Variants in MAPKAPK5 observed in about 807,000 individuals in gnomAD.
MAPKAPK5 encodes the protein MAPK activated protein kinase 5.
A neutral mutation model predicts 65.1 loss-of-function variants in MAPKAPK5; 30 were observed. That is an observed-to-expected ratio of 0.46 (90% confidence interval 0.34 to 0.63). MAPKAPK5 has a LOEUF of 0.63. Ranked by LOEUF, MAPKAPK5 falls within the 20% of genes least tolerant of loss-of-function variation. The pLI is 0.01. For missense variants in MAPKAPK5, 433 were observed against 581.4 expected (o/e 0.74, Z 2.63); for synonymous variants, 179 against 204.6 (o/e 0.87, Z 1.07).
At chr12:111,843,879 C>A (rs1369288582) in intron 1 of MAPKAPK5, among the ~76,000 whole-genome samples, 1 of 152,212 alleles carries the variant, frequency 6.6e-6, no homozygotes, top group Non-Finnish European at 1.5e-5. Flanking sequence ...GTGGCCCGAT[C>A]TTGGCTCACT....
chr12:111,891,750 T>C (rs1293386635), intron 13 of MAPKAPK5, among the ~76,000 whole-genome samples: 1 of 148,434 alleles, frequency 6.7e-6, no homozygotes, highest in Non-Finnish European at 1.5e-5. Flanking sequence ...GAGGTTGCAG[T>C]GAGCTGAGAT....
chr12:111,842,797 C>T, intron 1 of MAPKAPK5, 28 bp downstream of exon 1: 1 of 1,310,890 alleles, frequency 7.6e-7, no homozygotes, highest in Non-Finnish European at 9.8e-7. Flanking sequence ...CCTCTTCCCC[C>T]GCGTTGTCCT....
intron 1 of MAPKAPK5, among the ~76,000 whole-genome samples, chr12:111,846,874 C>T (rs907517340): frequency 6.6e-6 from 1 of 152,098 alleles, no homozygotes; most frequent in Admixed American, 6.6e-5. Flanking sequence ...CATGAATCAT[C>T]CCAGCATGTT....
chr12:111,867,624 A>G lies in MAPKAPK5; in HGVS notation c.239A>G (p.Glu80Gly). 1 of 1,613,940 alleles carries G rather than the reference A, an allele frequency of 6.2e-7. No homozygotes were observed. The highest frequency in any genetic ancestry group is 8.5e-7 in the Non-Finnish European group (1 of 1,179,862). Residue 80 changes from glutamate to glycine, a missense_variant, in exon 4 of 14, where the codon GAA becomes GGA. By Grantham distance (98) the Glu-to-Gly change is moderately conservative (BLOSUM62 -2). Around this residue, in one of 3 missense-constraint regions of MAPKAPK5, gnomAD observed 165 missense variants for 180.0 expected, o/e 0.92. Transcript: ENST00000550735. ...CACCCAAACATAGTTCAGATTATTG[A>G]AGTGTTTGCTAACAGTGTCCAGTTT... is the stretch of plus-strand genomic sequence containing the variant. ...ATHPNIVQII[E>G]VFANSVQFPH...
chr12:111,877,003 TGTG>T (rs938397461), intron 7 of MAPKAPK5, among the ~76,000 whole-genome samples: 1 of 151,922 alleles, frequency 6.6e-6, no homozygotes, highest in African/African-American at 2.4e-5. Context: ...ATAATTTCAT[TGTG>T]GTTTTAATTT....
rs984819253 is a variant in MAPKAPK5, at chr12:111,899,571, AT to A, written c.*6511del. On this transcript the variant is annotated 3_prime_UTR_variant, in exon 14 of 14. Coordinates refer to ENST00000550735, the MANE Select transcript of MAPKAPK5 (RefSeq NM_003668.4). ...GGAAGGACTGTCCTACTTGTTACTT[AT>A]GCAAGGCCAGAAGCACCTGGTTCAT... 4.2e-6 allele frequency: 1 copy of A among 237,024 alleles called. No individual in the cohort carries two copies. The highest frequency in any genetic ancestry group is 2.2e-5 in the African/African-American group (1 of 44,688). 14.7% of individuals were successfully genotyped at this position (237,024 alleles called of 1,614,324 possible).
At chr12:111,861,556 G>C (rs2069436880) in intron 1 of MAPKAPK5, among the ~76,000 whole-genome samples, 1 of 152,084 alleles carries the variant, frequency 6.6e-6, no homozygotes, top group Non-Finnish European at 1.5e-5. Flanking sequence ...TCGAACTCCT[G>C]ACCTCATGAT....
At chr12:111,866,719 C>T (rs930690850) in intron 3 of MAPKAPK5, among the ~76,000 whole-genome samples, 6 of 152,254 alleles carry the variant, frequency 3.9e-5, no homozygotes, top group South Asian at 2.1e-4. Flanking sequence ...AAGTGATTCT[C>T]CTGCCTCAGC....
rs999397053 is a variant in MAPKAPK5, at chr12:111,899,045, A to G, written c.*5984A>G. 32 of 152,228 alleles carry G rather than the reference A, an allele frequency of 2.1e-4. No homozygotes were observed. The highest frequency in any genetic ancestry group is 7.5e-4 in the African/African-American group (31 of 41,444). The allele number at this position is 152,228 out of a possible 1,614,324, so 9.4% of individuals were successfully genotyped here. ...GGAAGATTAAAGTTGTTGCTGTTGG[A>G]AGGAAGACATACTAAAGAAACTGCC... On this transcript the variant is annotated 3_prime_UTR_variant, in exon 14 of 14. Coordinates refer to ENST00000550735, the MANE Select transcript of MAPKAPK5 (RefSeq NM_003668.4).
In MAPKAPK5 at chr12:111,894,132, T is replaced by G. The variant is rs1429634201; in HGVS notation, c.*1071T>G. ...ATCTCGGCTCACTGCAACCTCTGTC[T>G]CCCAGGTTCAAGTGATTCTCCTGCC... On this transcript the variant is annotated 3_prime_UTR_variant, in exon 14 of 14. Transcript: ENST00000550735. 6.6e-6 allele frequency: 1 copy of G among 152,632 alleles called. No individual in the cohort carries two copies. Among genetic ancestry groups the G allele is most frequent in the Non-Finnish European group, 1.5e-5 (1 of 68,514 alleles). 9.5% of individuals were successfully genotyped at this position (152,632 alleles called of 1,614,324 possible).
chr12:111,875,708 C>G (rs952099213), intron 7 of MAPKAPK5, among the ~76,000 whole-genome samples: 1 of 152,092 alleles, frequency 6.6e-6, no homozygotes, highest in Non-Finnish European at 1.5e-5. Context: ...AGGGTCTGTA[C>G]TCTTATCCTA....
rs760866994 is a variant in MAPKAPK5, at chr12:111,883,786, T to G, written c.848+18T>G. 2 of 1,609,346 alleles carry G rather than the reference T, an allele frequency of 1.2e-6. No homozygotes were observed. The highest frequency in any genetic ancestry group is 1.7e-5 in the Admixed American group (1 of 59,794). On this transcript the variant is annotated intron_variant, in intron 9 of 13. Transcript: ENST00000550735. This position sits in a 1 kb window ranked among gnomAD's most constrained non-coding sequence, Gnocchi z 4.8. ...GTGAGGAAGTGAGTTCACGGGCTGC[T>G]GGGCATGGAGGCCAAGGAGGCCTCC... is the stretch of plus-strand genomic sequence containing the variant.
At chr12:111,891,535 T>C (rs2070606174) in intron 13 of MAPKAPK5, among the ~76,000 whole-genome samples, 1 of 149,860 alleles carries the variant, frequency 6.7e-6, no homozygotes. Context: ...GGGTCACGCA[T>C]GTAATCCCAA....
intron 7 of MAPKAPK5, 120 bp downstream of exon 7, chr12:111,871,300 T>C: frequency 1.3e-6 from 1 of 748,822 alleles, no homozygotes; most frequent in Non-Finnish European, 2.2e-6. Flanking sequence ...AACTTAGCTT[T>C]AGAAACCTAC....
At chr12:111,848,678 T>C (rs1381150283) in intron 1 of MAPKAPK5, among the ~76,000 whole-genome samples, 2 of 151,984 alleles carry the variant, frequency 1.3e-5, no homozygotes, top group Non-Finnish European at 2.9e-5. Flanking sequence ...TCCAAAATGC[T>C]AGGATTATAG....
intron 1 of MAPKAPK5, 70 bp from the exon 2 acceptor site, chr12:111,865,180 C>T (rs2069560083): frequency 1.1e-6 from 1 of 945,268 alleles, no homozygotes; most frequent in African/African-American, 1.6e-5. Context: ...TTCTGTTGTC[C>T]CATCTCTGCT....
Position 111,846,623 on chromosome 12 carries a change from G to T in MAPKAPK5, c.36+3854G>T, listed in dbSNP as rs767376109. ...CAATTCTTCTGCCTCAGCCTCCCGA[G>T]TAGTAGCTGGGATTACAGGTGTGCA... On this transcript the variant is annotated intron_variant, in intron 1 of 13. Coordinates refer to ENST00000550735, the MANE Select transcript of MAPKAPK5 (RefSeq NM_003668.4). Among the ~76,000 whole-genome samples the T allele has an allele frequency of 2.2e-4, 34 of 151,562 alleles. 1 individual carries two copies. Among genetic ancestry groups the T allele is most frequent in the Non-Finnish European group, 2.9e-5 (2 of 67,922 alleles).
Position 111,896,776 on chromosome 12 carries a change from GTCTC to G in MAPKAPK5, c.*3721_*3724del, listed in dbSNP as rs2070836882. On this transcript the variant is annotated 3_prime_UTR_variant, in exon 14 of 14. Transcript: ENST00000550735. ...TCAGCTTGATGTAGTAAAAAAACTT[GTCTC>G]TCTCTGACTAATATGTATGAATATA... 6.6e-6 allele frequency: 1 copy of G among 152,136 alleles called. No homozygotes were observed. The highest frequency in any genetic ancestry group is 2.1e-4 in the South Asian group (1 of 4,826). The allele number at this position is 152,136 out of a possible 1,614,324, so 9.4% of individuals were successfully genotyped here.
In MAPKAPK5 at chr12:111,883,836, G is replaced by A; in HGVS notation, c.848+68G>A. Reference sequence around the variant, plus strand: ...CAGGTGGTGGAGCACAAGGGAATGTGGGTAGAGAAAAGTCACTGGTTTCCT... The same window carrying A: ...CAGGTGGTGGAGCACAAGGGAATGTAGGTAGAGAAAAGTCACTGGTTTCCT... On this transcript the variant is annotated intron_variant, in intron 9 of 13. Transcript: ENST00000550735. The surrounding 1 kb of genome is among the most constrained non-coding windows in gnomAD (Gnocchi z 4.8). The A allele has an allele frequency of 2.0e-6, 3 of 1,503,984 alleles. No homozygotes were observed. The highest frequency in any genetic ancestry group is 1.8e-6 in the Non-Finnish European group (2 of 1,119,848). The allele number at this position is 1,503,984 out of a possible 1,614,324, so 93.2% of individuals were successfully genotyped here. A position where few individuals can be genotyped will look rare whatever the true frequency, so the allele number is the denominator to read the frequency against.
Sources: gnomAD v4.1 joint callset for allele counts (sites outside exome capture counted in the v4.1 genomes callset) on GRCh38, gnomAD v4.1.1 for gene constraint, gnomAD v4.1.1 regional missense constraint, Gnocchi (gnomAD v3.1) non-coding constraint, MANE v1.5 for transcripts, NCBI Gene and HGNC (gene_info 2026-07-23, HGNC 2026-07-21) for gene names.